Variants in LAMA1 observed in about 807,000 individuals in gnomAD.
LAMA1 encodes the protein laminin subunit alpha 1.
In LAMA1, 219 loss-of-function variants were observed where a neutral mutation model predicts 348.7. The observed-to-expected ratio is 0.63, with a 90% CI of 0.56 to 0.70. The LOEUF (loss-of-function observed/expected upper bound fraction) is 0.70. Ranked by LOEUF, LAMA1 falls within the 30% of genes least tolerant of loss-of-function variation. The probability of loss-of-function intolerance (pLI) is 0.00; values close to 1 mark genes in which losing one functional copy is unlikely to be tolerated. For missense variants in LAMA1, 3,744 were observed against 3,888.0 expected (o/e 0.96, Z 0.99); for synonymous variants, 1,487 against 1,491.0 (o/e 1.00, Z 0.06).
rs2058059211 is a variant in LAMA1, at chr18:7,050,762, A to G, written c.520T>C (p.Tyr174His). ...CAGATCACTTCATCATCAGCCCTGT[A>G]GGTGGGTGGCCCTCGTCTTGGAGTT... ...NITPRRGPPT[Y>H]RADDEVICTS... Residue 174 changes from tyrosine (Y) to histidine (H), a missense_variant, in exon 4 of 63, where the codon TAC becomes CAC. Transcript: ENST00000389658. The G allele has an allele frequency of 8.1e-6, 13 of 1,614,188 alleles. No individual in the cohort carries two copies. The highest frequency in any genetic ancestry group is 1.1e-5 in the Non-Finnish European group (13 of 1,180,032).
chr18:6,983,343 T>A, intron 39 of LAMA1, 109 bp from the exon 40 acceptor site: 1 of 1,108,658 alleles, frequency 9.0e-7, no homozygotes, highest in Non-Finnish European at 1.3e-6. Flanking sequence ...CTATCTTCTT[T>A]CCCCTTAGAA....
At chr18:7,097,865 C>T (rs2058268848) in intron 1 of LAMA1, among the ~76,000 whole-genome samples, 1 of 151,172 alleles carries the variant, frequency 6.6e-6, no homozygotes, top group African/African-American at 2.4e-5. Flanking sequence ...CCTCTCCCCA[C>T]GGTCTCCCTC....
intron 16 of LAMA1, among the ~76,000 whole-genome samples, chr18:7,027,645 T>C (rs1294265387): frequency 6.6e-6 from 1 of 152,038 alleles, no homozygotes; most frequent in Non-Finnish European, 1.5e-5. Context: ...TGGCAGGCTT[T>C]TAAAACACTG....
chr18:6,971,892 A>C lies in LAMA1; in HGVS notation c.6864T>G (p.Ile2288Met), dbSNP rs764601800. The C allele has an allele frequency of 1.3e-5, 21 of 1,613,970 alleles. No individual in the cohort carries two copies. The South Asian group carries it at 2.1e-4, about 16-fold the overall frequency. ...ACCCACGGCACTTGCCTTCCCTTTCAATATAGTTCCATAGGCCTATGGATT... is the reference window on the plus strand; with the variant it reads ...ACCCACGGCACTTGCCTTCCCTTTCCATATAGTTCCATAGGCCTATGGATT... ...NGKSIGLWNY[I>M]EREGKCRGCF... is the part of the protein sequence containing the mutation. The change falls in exon 48 of 63, where the codon ATT (isoleucine) becomes ATG (methionine). Residue 2288 changes from isoleucine (I) to methionine (M), a missense_variant. Physicochemically the swap from Ile to Met is conservative, Grantham distance 10. Around this residue, in one of 3 missense-constraint regions of LAMA1, gnomAD observed 1,983 missense variants for 1,934.3 expected, o/e 1.03. Transcript: ENST00000389658.
At chr18:7,073,813 C>T (rs962136769) in intron 3 of LAMA1, among the ~76,000 whole-genome samples, 1 of 150,820 alleles carries the variant, frequency 6.6e-6, no homozygotes, top group Non-Finnish European at 1.5e-5. Context: ...TGAGGAACAA[C>T]CATACTGGTT....
At chr18:6,944,283 C>G (rs186089176) in intron 61 of LAMA1, among the ~76,000 whole-genome samples, 2 of 152,086 alleles carry the variant, frequency 1.3e-5, no homozygotes, top group African/African-American at 2.4e-5. Context: ...CCCAAAGTGC[C>G]GGGATTACAG....
chr18:7,021,813 TA>T (rs60746466), intron 19 of LAMA1, among the ~76,000 whole-genome samples: 3 of 106,102 alleles, frequency 2.8e-5, no homozygotes, highest in African/African-American at 1.9e-4. Context: ...TTATATTATA[TA>T]ATATATATTA....
chr18:6,978,888 C>T (rs566726045), intron 42 of LAMA1, among the ~76,000 whole-genome samples: 3 of 152,202 alleles, frequency 2.0e-5, no homozygotes, highest in East Asian at 3.9e-4. Flanking sequence ...AGGTATTTGC[C>T]CATAGCATCA....
rs2057799290 is a variant in LAMA1, at chr18:6,999,758, T to G, written c.4470-120A>C. 2.5e-6 allele frequency: 3 copies of G among 1,201,768 alleles called. No individual in the cohort carries two copies. The African/African-American group carries it at 4.6e-5, about 18-fold the overall frequency. The allele number at this position is 1,201,768 out of a possible 1,614,324, so 74.4% of individuals were successfully genotyped here. Reference sequence around the variant, plus strand: ...ACAGATCCATTCACCTTGGGAAAACTTGTTCTGGAACAGTAATGAGGTCTT... The same window carrying G: ...ACAGATCCATTCACCTTGGGAAAACGTGTTCTGGAACAGTAATGAGGTCTT... On this transcript the variant is annotated intron_variant, in intron 31 of 62. Coordinates refer to ENST00000389658, the MANE Select transcript of LAMA1 (RefSeq NM_005559.4).
intron 33 of LAMA1, among the ~76,000 whole-genome samples, chr18:6,996,359 T>C (rs1262548030): frequency 5.9e-5 from 9 of 152,164 alleles, no homozygotes; most frequent in Admixed American, 3.3e-4. Context: ...AACTCTTATC[T>C]AAGAAAAGGC....
chr18:6,966,132 CACAA>C lies in LAMA1; in HGVS notation c.7050+11_7050+14del. 2 of 1,613,918 alleles carry C rather than the reference CACAA, an allele frequency of 1.2e-6. No individual in the cohort carries two copies. Among genetic ancestry groups the C allele is most frequent in the Non-Finnish European group, 1.7e-6 (2 of 1,179,916 alleles). ...GTGTATACAGTAGGGCCTAGGGCCGCACAAACACTCTTACTGTGCCGTATGAACC... is the reference window on the plus strand; with the variant it reads ...GTGTATACAGTAGGGCCTAGGGCCGCACACTCTTACTGTGCCGTATGAACC... On this transcript the variant is annotated intron_variant, in intron 49 of 62. Transcript: ENST00000389658.
At chr18:7,107,407 C>T (rs1179479976) in intron 1 of LAMA1, among the ~76,000 whole-genome samples, 4 of 151,854 alleles carry the variant, frequency 2.6e-5, no homozygotes, top group South Asian at 4.2e-4. Flanking sequence ...CGTGAGCCAC[C>T]GCCCCCAGCC....
At chr18:6,952,880 G>C (rs1430297956) in intron 57 of LAMA1, among the ~76,000 whole-genome samples, 1 of 150,834 alleles carries the variant, frequency 6.6e-6, no homozygotes, top group Non-Finnish European at 1.5e-5. Flanking sequence ...CGCCATGGGA[G>C]CCATGTCTGC....
chr18:7,018,521 G>A (rs527933070), intron 19 of LAMA1, among the ~76,000 whole-genome samples: 7 of 149,558 alleles, frequency 4.7e-5, no homozygotes, highest in South Asian at 2.1e-4. Context: ...TCAGCCTCCC[G>A]AGTAGCTGGG....
rs1412746777 is a variant in LAMA1 at position 7,003,608 on chromosome 18, G to A, written c.4261-1223C>T. Among the ~76,000 whole-genome samples, 4 of 152,232 alleles carry A rather than the reference G, an allele frequency of 2.6e-5. No individual in the cohort carries two copies. In the East Asian group the frequency reaches 7.8e-4, roughly 30 times the overall value. On this transcript the variant is annotated intron_variant, in intron 29 of 62. Transcript: ENST00000389658. ...AAAGAACAAGCAGTTCTTGCCATCT[G>A]ATTCCAATTTGAAATTGGCATTTGC...
At chr18:6,956,080 G>A (rs1444051087) in intron 56 of LAMA1, 2 of 294,390 alleles carry the variant, frequency 6.8e-6, no homozygotes, top group Non-Finnish European at 1.3e-5. Context: ...AAACTGCCCC[G>A]AACTCAAAGC....
chr18:6,955,131 C>T, intron 57 of LAMA1: 4 of 576,078 alleles, frequency 6.9e-6, no homozygotes, highest in South Asian at 5.9e-5. Flanking sequence ...CAGCCACTCT[C>T]CAGAAGGGAA....
At chr18:7,095,159 CTCT>C (rs2058256099) in intron 1 of LAMA1, among the ~76,000 whole-genome samples, 4 of 119,848 alleles carry the variant, frequency 3.3e-5, no homozygotes, top group Admixed American at 1.0e-4. Flanking sequence ...TCTCTCTCTC[CTCT>C]GCTGTCATTA....
chr18:6,973,258 G>A (rs775192969), intron 46 of LAMA1, 51 bp from the exon 47 acceptor site: 17 of 1,556,734 alleles, frequency 1.1e-5, no homozygotes, highest in Admixed American at 5.1e-5. Flanking sequence ...TCCAGTCAGC[G>A]CACATACAAT....
Sources: gnomAD v4.1 joint callset for allele counts (sites outside exome capture counted in the v4.1 genomes callset) on GRCh38, gnomAD v4.1.1 for gene constraint, gnomAD v4.1.1 regional missense constraint, MANE v1.5 for transcripts, NCBI Gene and HGNC (gene_info 2026-07-23, HGNC 2026-07-21) for gene names.